Variants in HDLBP observed in about 807,000 individuals in gnomAD.
HDLBP encodes the protein high density lipoprotein binding protein.
HDLBP carries 30 observed loss-of-function variants against 137.3 expected under a neutral mutation model. The ratio of observed to expected loss-of-function variants is 0.22; its 90% CI spans 0.16 to 0.30. The LOEUF (loss-of-function observed/expected upper bound fraction) is 0.30, where lower values mean the gene tolerates loss of function less well. Among genes scored for constraint, HDLBP ranks in the 10% least tolerant of loss-of-function variants. HDLBP has a pLI of 1.00. For synonymous variants in HDLBP, 606 were observed against 596.0 expected, an observed-to-expected ratio of 1.02 and a Z score of -0.24; for missense variants, 1,119 against 1,667.3, an observed-to-expected ratio of 0.67 and a Z score of 5.73.
rs984625859 is a variant in HDLBP, at chr2:241,272,395, G to A, written c.-102-3854C>T. On this transcript the variant is annotated intron_variant, in intron 1 of 27. Coordinates refer to ENST00000310931, the MANE Select transcript of HDLBP (RefSeq NM_005336.6). The surrounding 1 kb of genome is among the most constrained non-coding windows in gnomAD (Gnocchi z 5.6). Reference sequence around the variant, plus strand: ...GGTCGGCCGCCCCTCCGCGCCGTGCGGCCACGGCACCAGGGGTGCCCCACC... The same window carrying A: ...GGTCGGCCGCCCCTCCGCGCCGTGCAGCCACGGCACCAGGGGTGCCCCACC... 5.5e-4 allele frequency: 541 copies of A among 984,272 alleles called. No individual in the cohort carries two copies. Among genetic ancestry groups the A allele is most frequent in the Non-Finnish European group, 6.3e-4 (520 of 829,540 alleles). 61.0% of individuals were successfully genotyped at this position (984,272 alleles called of 1,614,324 possible).
At chr2:241,314,634 T>G (rs1488907237) in intron 1 of HDLBP, among the ~76,000 whole-genome samples, 1 of 152,174 alleles carries the variant, frequency 6.6e-6, no homozygotes, top group Non-Finnish European at 1.5e-5. Context: ...CAAGTCGACT[T>G]CCTTCGATTT....
Position 241,253,366 on chromosome 2 carries a change from C to A in HDLBP, c.1293+27G>T, listed in dbSNP as rs146625187. 886 of 1,464,504 alleles carry A rather than the reference C, an allele frequency of 6.0e-4. 5 individuals carry two copies. The African/African-American group carries it at 0.012, about 19-fold the overall frequency. 90.7% of individuals were successfully genotyped at this position (1,464,504 alleles called of 1,614,324 possible). ...CTCAGAGCCTCCCTTGTCACCAGCA[C>A]ACACAACATTCCAAGGGGTACCTTA... On this transcript the variant is annotated intron_variant, in intron 10 of 27. Transcript: ENST00000310931.
rs1175036793 is a variant in HDLBP, at chr2:241,240,842, G to A, written c.2170-720C>T. On this transcript the variant is annotated intron_variant, in intron 17 of 27. Coordinates refer to ENST00000310931, the MANE Select transcript of HDLBP (RefSeq NM_005336.6). The surrounding 1 kb of genome is among the most constrained non-coding windows in gnomAD (Gnocchi z 5.5). ...CCCACGCAGGGGCCCCGAGAAGGGC[G>A]CTGCTCCACGGGACTCAGGTCCACA... 3.9e-5 allele frequency among the ~76,000 whole-genome samples: 6 copies of A among 152,138 alleles called. No individual in the cohort carries two copies. The highest frequency in any genetic ancestry group is 3.8e-4 in the East Asian group (2 of 5,198).
rs1437240620 is a variant in HDLBP at position 241,236,317 on chromosome 2, C to T, written c.2904+298G>A. 1.7e-5 allele frequency: 7 copies of T among 414,664 alleles called. No individual in the cohort carries two copies. In the East Asian group the frequency reaches 2.7e-4, roughly 16 times the overall value. The allele number at this position is 414,664 out of a possible 1,614,324, so 25.7% of individuals were successfully genotyped here. ...GCAACTGGAGGTCACATTCATCCCC[C>T]TGCAGCTGAGACCCTTCCACAGCCC... On this transcript the variant is annotated intron_variant, in intron 21 of 27. Transcript: ENST00000310931.
chr2:241,253,550 C>A, intron 9 of HDLBP, 53 bp from the exon 10 acceptor site: 1 of 1,249,990 alleles, frequency 8.0e-7, no homozygotes, highest in East Asian at 2.3e-5. Flanking sequence ...CAGCTGCAGC[C>A]CCTGAGCTCC....
intron 1 of HDLBP, among the ~76,000 whole-genome samples, chr2:241,313,348 C>T (rs554916002): frequency 6.6e-6 from 1 of 152,250 alleles, no homozygotes; most frequent in South Asian, 2.1e-4. Flanking sequence ...GCTACAATCT[C>T]GGCTCACTGC....
At chr2:241,257,335 G>C (rs1418302575) in intron 5 of HDLBP, among the ~76,000 whole-genome samples, 1 of 152,104 alleles carries the variant, frequency 6.6e-6, no homozygotes, top group Non-Finnish European at 1.5e-5. Context: ...TGGGTTCAAG[G>C]GATTCTCCTG....
At chr2:241,270,675 A>C (rs1414214990) in intron 1 of HDLBP, among the ~76,000 whole-genome samples, 2 of 152,108 alleles carry the variant, frequency 1.3e-5, no homozygotes, top group Non-Finnish European at 1.5e-5. Flanking sequence ...AGCACCTAAG[A>C]AGCTGACCCT....
intron 3 of HDLBP, 128 bp from the exon 4 acceptor site, chr2:241,264,733 C>G (rs999620073): frequency 4.6e-6 from 4 of 868,262 alleles, no homozygotes; most frequent in African/African-American, 3.4e-5. Flanking sequence ...CAACTCCCCC[C>G]ACCCCTCTCT....
chr2:241,267,624 A>G, intron 2 of HDLBP: 1 of 1,535,766 alleles, frequency 6.5e-7, no homozygotes, highest in Non-Finnish European at 8.7e-7. Flanking sequence ...ACAAAAAGCC[A>G]GCGGTCTCTC....
rs766831875 is a variant in HDLBP, at chr2:241,240,160, C to T, written c.2170-38G>A. On this transcript the variant is annotated intron_variant, in intron 17 of 27. Transcript: ENST00000310931. This position sits in a 1 kb window ranked among gnomAD's most constrained non-coding sequence, Gnocchi z 5.5. ...ATCCCACTGTGTTAGCCTGACACCA[C>T]GTGCCTGGACCACAGTGAGGAAGAC... The T allele has an allele frequency of 4.1e-5, 66 of 1,590,870 alleles. No individual in the cohort carries two copies. Among genetic ancestry groups the T allele is most frequent in the Non-Finnish European group, 4.6e-5 (53 of 1,158,922 alleles).
At chr2:241,265,278 G>A (rs1436692857) in intron 3 of HDLBP, among the ~76,000 whole-genome samples, 1 of 152,174 alleles carries the variant, frequency 6.6e-6, no homozygotes, top group Non-Finnish European at 1.5e-5. Flanking sequence ...TTAGCCAGGT[G>A]TGGGTGGTGC....
chr2:241,275,672 G>C (rs1049890050), intron 1 of HDLBP, among the ~76,000 whole-genome samples: 2 of 152,086 alleles, frequency 1.3e-5, no homozygotes, highest in African/African-American at 4.8e-5. Flanking sequence ...GACAAGAGCA[G>C]GACCTTAAAA....
chr2:241,286,328 T>C (rs931437746), intron 1 of HDLBP, among the ~76,000 whole-genome samples: 10 of 152,172 alleles, frequency 6.6e-5, no homozygotes, highest in Admixed American at 2.0e-4. Flanking sequence ...AAAGGAAAAG[T>C]CTAGCTGGGA....
intron 1 of HDLBP, chr2:241,268,747 G>T (rs1295827349): frequency 6.5e-6 from 1 of 152,678 alleles, no homozygotes; most frequent in Non-Finnish European, 1.5e-5. Context: ...AACAAAACAT[G>T]AACCAGCTCC....
At chr2:241,255,813 A>C (rs1187324047) in intron 7 of HDLBP, among the ~76,000 whole-genome samples, 1 of 152,242 alleles carries the variant, frequency 6.6e-6, no homozygotes, top group Non-Finnish European at 1.5e-5. Context: ...GTCCTTGAAC[A>C]CTGCAAAACA....
At position 241,230,630 on chromosome 2, in the gene HDLBP, T is replaced by G. The variant is rs1250809550; in HGVS notation, c.3474+129A>C. 1.4e-5 allele frequency: 11 copies of G among 804,492 alleles called. No homozygotes were observed. The highest frequency in any genetic ancestry group is 9.1e-5 in the Admixed American group (4 of 43,824). 49.8% of individuals were successfully genotyped at this position (804,492 alleles called of 1,614,324 possible). ...GACCCGTGGTGTCCATGAGGACAGT[T>G]CCACTGCCAGCCCTGGGGTTGTGGC... On this transcript the variant is annotated intron_variant, in intron 25 of 27. Coordinates refer to ENST00000310931, the MANE Select transcript of HDLBP (RefSeq NM_005336.6). The surrounding 1 kb of genome is among the most constrained non-coding windows in gnomAD (Gnocchi z 5.0).
chr2:241,277,442 A>G (rs2149604096), intron 1 of HDLBP, among the ~76,000 whole-genome samples: 1 of 152,356 alleles, frequency 6.6e-6, no homozygotes, highest in East Asian at 1.9e-4. Context: ...GATTCCTGAA[A>G]AAAGGACAGT....
chr2:241,233,530 T>A lies in HDLBP; in HGVS notation c.3288+290A>T, dbSNP rs900644549. Among the ~76,000 whole-genome samples the A allele has an allele frequency of 5.9e-5, 9 of 152,096 alleles. No homozygotes were observed. The highest frequency in any genetic ancestry group is 2.2e-4 in the African/African-American group (9 of 41,414). ...GGGTGACAGGTGAATGAGCTACACC[T>A]GGAGGCGCCACTGATCAAGGACCCA... On this transcript the variant is annotated intron_variant, in intron 24 of 27. Coordinates refer to ENST00000310931, the MANE Select transcript of HDLBP (RefSeq NM_005336.6). This position sits in a 1 kb window ranked among gnomAD's most constrained non-coding sequence, Gnocchi z 4.3.
Sources: gnomAD v4.1 joint callset for allele counts (sites outside exome capture counted in the v4.1 genomes callset) on GRCh38, gnomAD v4.1.1 for gene constraint, Gnocchi (gnomAD v3.1) non-coding constraint, MANE v1.5 for transcripts, NCBI Gene and HGNC (gene_info 2026-07-23, HGNC 2026-07-21) for gene names.